PTPN4: variants seen among roughly 807,000 people sequenced by gnomAD.
PTPN4 encodes the protein protein tyrosine phosphatase non-receptor type 4.
PTPN4 carries 49 observed loss-of-function variants against 135.5 expected under a neutral mutation model. That is an observed-to-expected ratio of 0.36 (90% CI 0.29 to 0.46). PTPN4 has a LOEUF of 0.46. Ranked by LOEUF, PTPN4 falls within the 20% of genes least tolerant of loss-of-function variation. The pLI is 1.00. For missense variants in PTPN4, 860 were observed against 1,101.0 expected, an observed-to-expected ratio of 0.78 and a Z score of 3.10; for synonymous variants, 333 against 369.9, an observed-to-expected ratio of 0.90 and a Z score of 1.14.
intron 2 of PTPN4, among the ~76,000 whole-genome samples, chr2:119,839,940 G>A (rs887696232): frequency 5.9e-5 from 9 of 152,064 alleles, no homozygotes; most frequent in African/African-American, 1.7e-4. Flanking sequence ...AAAGTATGAG[G>A]GGAAAACAGG....
At chr2:119,853,458 T>C (rs1040780772) in intron 2 of PTPN4, among the ~76,000 whole-genome samples, 1 of 152,110 alleles carries the variant, frequency 6.6e-6, no homozygotes, top group Non-Finnish European at 1.5e-5. Context: ...TGGATAGCTT[T>C]TTTAGGTGAT....
chr2:119,789,688 T>G (rs545581219), intron 1 of PTPN4, among the ~76,000 whole-genome samples: 1 of 152,208 alleles, frequency 6.6e-6, no homozygotes, highest in South Asian at 2.1e-4. Flanking sequence ...TTTCACTTTC[T>G]TGTAAATTTT....
chr2:119,865,391 TATG>T (rs1055776829), intron 3 of PTPN4, among the ~76,000 whole-genome samples: 2 of 152,154 alleles, frequency 1.3e-5, no homozygotes, highest in African/African-American at 4.8e-5. Context: ...TTTCCTCACT[TATG>T]ATGAAAGTGT....
At chr2:119,844,746 G>T (rs1487897753) in intron 2 of PTPN4, among the ~76,000 whole-genome samples, 5 of 143,498 alleles carry the variant, frequency 3.5e-5, no homozygotes, top group Non-Finnish European at 3.1e-5. Flanking sequence ...GCGGCCGGGC[G>T]GAGACGCTCC....
At chr2:119,830,529 C>T (rs372795659) in intron 2 of PTPN4, among the ~76,000 whole-genome samples, 221 of 152,216 alleles carry the variant, frequency 1.5e-3, no homozygotes, top group African/African-American at 4.6e-3. Context: ...AGTGCAGTGG[C>T]GCGGTCTTGG....
At chr2:119,914,723 G>T (rs976765035) in intron 10 of PTPN4, among the ~76,000 whole-genome samples, 1 of 152,096 alleles carries the variant, frequency 6.6e-6, no homozygotes, top group African/African-American at 2.4e-5. Flanking sequence ...CATATTGATT[G>T]TACTAATAAG....
intron 26 of PTPN4, among the ~76,000 whole-genome samples, chr2:119,975,531 G>T (rs1195311483): frequency 1.3e-5 from 2 of 152,216 alleles, no homozygotes; most frequent in East Asian, 3.8e-4. Context: ...TTCAAGACCA[G>T]TCTGGCCAAC....
chr2:119,957,812 C>T (rs950202729), intron 22 of PTPN4, among the ~76,000 whole-genome samples: 4 of 152,042 alleles, frequency 2.6e-5, no homozygotes, highest in African/African-American at 4.8e-5. Flanking sequence ...TATATCATAT[C>T]GTTCATCTAT....
At chr2:119,902,318 T>C (rs963310953) in intron 10 of PTPN4, among the ~76,000 whole-genome samples, 7 of 152,240 alleles carry the variant, frequency 4.6e-5, no homozygotes, top group African/African-American at 2.4e-5. Flanking sequence ...CCTGGAAGTC[T>C]GTAGCAAAGT....
At chr2:119,831,371 C>G (rs922785584) in intron 2 of PTPN4, among the ~76,000 whole-genome samples, 2 of 152,122 alleles carry the variant, frequency 1.3e-5, no homozygotes, top group African/African-American at 4.8e-5. Context: ...CTTGAGTGGT[C>G]TTGGTATTCT....
intron 1 of PTPN4, among the ~76,000 whole-genome samples, chr2:119,772,885 C>A (rs1475740405): frequency 1.3e-5 from 2 of 152,070 alleles, no homozygotes; most frequent in Non-Finnish European, 2.9e-5. Flanking sequence ...AGGGTGCTGC[C>A]CTAGAATCAA....
chr2:119,960,717 C>G, intron 22 of PTPN4, 90 bp from the exon 23 acceptor site: 4 of 1,289,050 alleles, frequency 3.1e-6, no homozygotes, highest in Non-Finnish European at 4.2e-6. Context: ...TAGTTGTATT[C>G]ACTATAACAG....
intron 18 of PTPN4, among the ~76,000 whole-genome samples, chr2:119,948,373 A>T (rs1679165924): frequency 6.6e-6 from 1 of 152,086 alleles, no homozygotes; most frequent in Admixed American, 6.6e-5. Context: ...TAGTTTCTTA[A>T]CAGTCTTATA....
At chr2:119,975,987 A>T (rs568973759) in intron 26 of PTPN4, among the ~76,000 whole-genome samples, 3,367 of 119,742 alleles carry the variant, frequency 0.028, 51 homozygotes, top group Non-Finnish European at 0.034. Flanking sequence ...TTTTATTTTT[A>T]TTTATTTATT....
chr2:119,924,083 G>A (rs1421705740), intron 12 of PTPN4, among the ~76,000 whole-genome samples: 4 of 146,560 alleles, frequency 2.7e-5, no homozygotes, highest in Non-Finnish European at 5.9e-5. Flanking sequence ...CTTGCAGTGA[G>A]CCGAGATGGA....
intron 26 of PTPN4, among the ~76,000 whole-genome samples, chr2:119,974,797 A>G (rs375019844): frequency 6.6e-6 from 1 of 152,200 alleles, no homozygotes; most frequent in African/African-American, 2.4e-5. Context: ...AAAATGATAA[A>G]TGGCACAACC....
chr2:119,862,722 G>C, intron 3 of PTPN4, 79 bp downstream of exon 3: 1 of 1,174,822 alleles, frequency 8.5e-7, no homozygotes, highest in Non-Finnish European at 1.2e-6. Context: ...CTGATTTACA[G>C]TGTTCACTGA....
chr2:119,789,672 G>A (rs965834409), intron 1 of PTPN4, among the ~76,000 whole-genome samples: 3 of 152,020 alleles, frequency 2.0e-5, no homozygotes, highest in Non-Finnish European at 1.5e-5. Flanking sequence ...TTATGAATGC[G>A]TTATTTTTCA....
intron 1 of PTPN4, among the ~76,000 whole-genome samples, chr2:119,760,966 G>T (rs150202686): frequency 2.6e-5 from 4 of 151,814 alleles, no homozygotes; most frequent in Admixed American, 2.6e-4. Context: ...TTGCACAGGT[G>T]ATGTGTGGAT....
Sources: gnomAD v4.1 joint callset for allele counts (sites outside exome capture counted in the v4.1 genomes callset) on GRCh38, gnomAD v4.1.1 for gene constraint, MANE v1.5 for transcripts, NCBI Gene and HGNC (gene_info 2026-07-23, HGNC 2026-07-21) for gene names.